The following SDK2 variants were observed in gnomAD, a reference collection of about 807,000 sequenced individuals.
SDK2 encodes protein sidekick-2.
In SDK2, 105 loss-of-function variants were observed where a neutral mutation model predicts 253.9. The ratio of observed to expected loss-of-function variants is 0.41; its 90% CI spans 0.35 to 0.49. The LOEUF (loss-of-function observed/expected upper bound fraction) is 0.49, where lower values mean the gene tolerates loss of function less well. Ranked by LOEUF, SDK2 falls within the 20% of genes least tolerant of loss-of-function variation. The pLI, the probability that SDK2 is intolerant of heterozygous loss-of-function variation, is 0.06. For synonymous variants in SDK2, 1,249 were observed against 1,234.9 expected, an observed-to-expected ratio of 1.01 and a Z score of -0.24; for missense variants, 2,608 against 3,003.0, an observed-to-expected ratio of 0.87 and a Z score of 3.07.
chr17:73,464,995 T>TG (rs889612101), intron 3 of SDK2, among the ~76,000 whole-genome samples: 13 of 152,182 alleles, frequency 8.5e-5, no homozygotes, highest in Admixed American at 7.9e-4. Flanking sequence ...GCTTGGCATA[T>TG]GGGGGTGTGC....
chr17:73,357,776 G>C, intron 40 of SDK2: 1 of 478,916 alleles, frequency 2.1e-6, no homozygotes, highest in Admixed American at 3.4e-5. Flanking sequence ...GATTCGGTGT[G>C]TGACCCACGT....
chr17:73,560,501 G>A (rs758293038), intron 1 of SDK2, among the ~76,000 whole-genome samples: 61 of 151,602 alleles, frequency 4.0e-4, no homozygotes, highest in Non-Finnish European at 6.8e-4. Context: ...CACCATGCGC[G>A]TCTAATTTTT....
Position 73,609,912 on chromosome 17 carries a change from C to T in SDK2, c.64+34113G>A, listed in dbSNP as rs2045952450. On this transcript the variant is annotated intron_variant, in intron 1 of 44. Transcript: ENST00000392650. The surrounding 1 kb of genome is among the most constrained non-coding windows in gnomAD (Gnocchi z 4.4). ...ACAGGCAGCTGTCAGGAGACAAAAA[C>T]AGCTCACTGGAGCAAGGGCTGGGAC... 6.6e-6 allele frequency among the ~76,000 whole-genome samples: 1 copy of T among 152,258 alleles called. No individual in the cohort carries two copies. Among genetic ancestry groups the T allele is most frequent in the Non-Finnish European group, 1.5e-5 (1 of 68,040 alleles).
At chr17:73,424,897 G>C (rs1362800355) in intron 12 of SDK2, among the ~76,000 whole-genome samples, 2 of 152,210 alleles carry the variant, frequency 1.3e-5, no homozygotes, top group Non-Finnish European at 2.9e-5. Flanking sequence ...TAGGGAGAGT[G>C]AATCTGTAAT....
At chr17:73,375,739 C>G (rs912160038) in intron 36 of SDK2, among the ~76,000 whole-genome samples, 9 of 151,260 alleles carry the variant, frequency 6.0e-5, no homozygotes, top group African/African-American at 1.9e-4. Flanking sequence ...ACCTGTAATC[C>G]CAGCTACTCA....
intron 25 of SDK2, 41 bp from the exon 26 acceptor site, chr17:73,394,365 A>C (rs369851292): frequency 7.3e-7 from 1 of 1,373,784 alleles, no homozygotes; most frequent in Non-Finnish European, 9.8e-7. Flanking sequence ...CTCAGGACCC[A>C]ACGTTGACTG....
chr17:73,425,397 C>G (rs957147532), intron 12 of SDK2, among the ~76,000 whole-genome samples: 1 of 152,244 alleles, frequency 6.6e-6, no homozygotes, highest in Non-Finnish European at 1.5e-5. Context: ...CCTTCTTCCC[C>G]GCCCGGATAG....
intron 1 of SDK2, among the ~76,000 whole-genome samples, chr17:73,556,842 C>T (rs193031711): frequency 2.8e-4 from 42 of 152,260 alleles, no homozygotes; most frequent in Admixed American, 5.2e-4. Context: ...GTTTTCTCTT[C>T]TGTAAAATGG....
At chr17:73,457,278 CCTTCCTT>C (rs2063534322) in intron 3 of SDK2, among the ~76,000 whole-genome samples, 7 of 50,378 alleles carry the variant, frequency 1.4e-4, no homozygotes, top group African/African-American at 3.5e-4. Context: ...TTCCTTCCTT[CCTTCCTT>C]CCCCCCTCCC....
chr17:73,573,902 G>A (rs1488621449), intron 1 of SDK2, among the ~76,000 whole-genome samples: 2 of 152,152 alleles, frequency 1.3e-5, no homozygotes, highest in African/African-American at 2.4e-5. Context: ...CCCTTTATCC[G>A]GGCCTTGCTC....
intron 1 of SDK2, among the ~76,000 whole-genome samples, chr17:73,572,401 C>T (rs528397243): frequency 1.1e-4 from 17 of 152,102 alleles, no homozygotes; most frequent in Non-Finnish European, 1.8e-4. Context: ...GTGCCTGGAG[C>T]GCTCCGACCC....
intron 2 of SDK2, among the ~76,000 whole-genome samples, chr17:73,490,466 T>A (rs2063797904): frequency 6.6e-6 from 1 of 151,956 alleles, no homozygotes; most frequent in African/African-American, 2.4e-5. Flanking sequence ...TGTGCCTCCA[T>A]TTCCTTATCT....
chr17:73,357,043 G>A (rs1021242194), intron 40 of SDK2, among the ~76,000 whole-genome samples: 9 of 152,238 alleles, frequency 5.9e-5, no homozygotes, highest in African/African-American at 1.9e-4. Flanking sequence ...AGAGGGCCAG[G>A]GAGGGACCAT....
At chr17:73,567,306 A>G (rs1194173109) in intron 1 of SDK2, among the ~76,000 whole-genome samples, 1 of 152,248 alleles carries the variant, frequency 6.6e-6, no homozygotes, top group Non-Finnish European at 1.5e-5. Context: ...CTGCAGGCAC[A>G]CAGAATACAA....
chr17:73,398,008 C>A, intron 24 of SDK2, 27 bp downstream of exon 24: 1 of 1,604,998 alleles, frequency 6.2e-7, no homozygotes, highest in South Asian at 1.1e-5. Flanking sequence ...TGGAGAGGTC[C>A]CACCCCTGCC....
intron 25 of SDK2, among the ~76,000 whole-genome samples, chr17:73,394,584 G>A (rs983052783): frequency 6.6e-6 from 1 of 152,230 alleles, no homozygotes; most frequent in Non-Finnish European, 1.5e-5. Context: ...AGATGAGCTT[G>A]CATTTCCTGC....
intron 1 of SDK2, among the ~76,000 whole-genome samples, chr17:73,551,230 C>A (rs1236709550): frequency 6.6e-6 from 1 of 152,200 alleles, no homozygotes; most frequent in Non-Finnish European, 1.5e-5. Flanking sequence ...GCCGGCTCCC[C>A]ATCAGCTTCT....
chr17:73,641,192 A>G (rs1347282061), intron 1 of SDK2: 1 of 152,254 alleles, frequency 6.6e-6, no homozygotes, highest in Non-Finnish European at 1.5e-5. Context: ...ATGGACTTCT[A>G]GCTTAATGTT....
At position 73,361,425 on chromosome 17, in the gene SDK2, G is replaced by A. The variant is rs2062638996; in HGVS notation, c.5467+259C>T. On this transcript the variant is annotated intron_variant, in intron 39 of 44. Coordinates refer to ENST00000392650, the MANE Select transcript of SDK2 (RefSeq NM_001144952.2). The surrounding 1 kb of genome is among the most constrained non-coding windows in gnomAD (Gnocchi z 4.1). ...CAGGCGCAGTGGCCAGGCCAGGCCT[G>A]TGGGCTGGGCCTAAGTGGGAGAGGA... 6.6e-6 allele frequency among the ~76,000 whole-genome samples: 1 copy of A among 152,236 alleles called. No individual in the cohort carries two copies. Among genetic ancestry groups the A allele is most frequent in the African/African-American group, 2.4e-5 (1 of 41,468 alleles).
Sources: allele counts gnomAD v4.1 joint callset (sites outside exome capture counted in the v4.1 genomes callset), GRCh38; gene constraint gnomAD v4.1.1; non-coding constraint Gnocchi (gnomAD v3.1); transcripts MANE v1.5; gene names NCBI Gene and HGNC (gene_info 2026-07-23, HGNC 2026-07-21).